Variants in SEC24B observed in about 807,000 individuals in gnomAD.
SEC24B encodes the protein SEC24 homolog B, COPII component, also known as protein transport protein Sec24B.
SEC24B carries 45 observed loss-of-function variants against 142.8 expected under a neutral mutation model. That is an observed-to-expected ratio of 0.32 (90% confidence interval 0.25 to 0.40). The LOEUF (loss-of-function observed/expected upper bound fraction) is 0.40. SEC24B is among the 10% of genes least tolerant of loss of function. The pLI, the probability that SEC24B is intolerant of heterozygous loss-of-function variation, is 1.00. For synonymous variants in SEC24B, 574 were observed against 568.2 expected (o/e 1.01, Z -0.15); for missense variants, 1,409 against 1,526.8 (o/e 0.92, Z 1.29).
At chr4:109,500,145 A>G (rs535339036) in intron 6 of SEC24B, among the ~76,000 whole-genome samples, 1 of 152,358 alleles carries the variant, frequency 6.6e-6, no homozygotes, top group Non-Finnish European at 1.5e-5. Context: ...CTGTAAAAGG[A>G]AGAACATTTT....
At chr4:109,488,769 G>A (rs910619778) in intron 4 of SEC24B, 2 of 167,676 alleles carry the variant, frequency 1.2e-5, no homozygotes, top group African/African-American at 4.8e-5. Context: ...GGAAAAATTG[G>A]AATCCTCATT....
At chr4:109,515,862 A>G (rs911678105) in intron 10 of SEC24B, among the ~76,000 whole-genome samples, 22 of 148,662 alleles carry the variant, frequency 1.5e-4, no homozygotes, top group Non-Finnish European at 8.9e-5. Flanking sequence ...CAACATAGTG[A>G]ACCCCCCCCC....
At chr4:109,503,663 T>C (rs976884756) in intron 6 of SEC24B, among the ~76,000 whole-genome samples, 1 of 152,176 alleles carries the variant, frequency 6.6e-6, no homozygotes, top group Non-Finnish European at 1.5e-5. Flanking sequence ...CCTGGCCTCA[T>C]TTTATAATTT....
At chr4:109,530,210 A>T (rs1295159568) in intron 18 of SEC24B, 79 bp from the exon 19 acceptor site, 1 of 1,243,482 alleles carries the variant, frequency 8.0e-7, no homozygotes, top group East Asian at 2.4e-5. Context: ...TTTCTTAAAT[A>T]ATGCGTATAA....
chr4:109,521,024 G>A (rs778475631), intron 12 of SEC24B, 93 bp from the exon 13 acceptor site: 1 of 767,236 alleles, frequency 1.3e-6, no homozygotes, highest in Non-Finnish European at 2.2e-6. Flanking sequence ...CAAAATTATA[G>A]TACACATTAC....
intron 1 of SEC24B, among the ~76,000 whole-genome samples, chr4:109,441,493 T>C (rs553185232): frequency 2.0e-5 from 3 of 152,320 alleles, no homozygotes; most frequent in East Asian, 3.9e-4. Flanking sequence ...TGCAGTGATA[T>C]GATCACAGCT....
intron 4 of SEC24B, among the ~76,000 whole-genome samples, chr4:109,487,139 T>C (rs552584038): frequency 7.1e-6 from 1 of 140,186 alleles, no homozygotes; most frequent in African/African-American, 2.7e-5. Flanking sequence ...CACTACAGCC[T>C]GAGTGACAAG....
rs1179942106 is a variant in SEC24B, at chr4:109,510,072, T to G, written c.1737T>G (p.Leu579=). The G allele has an allele frequency of 6.2e-7, 1 of 1,609,784 alleles. No individual in the cohort carries two copies. Among genetic ancestry groups the G allele is most frequent in the Non-Finnish European group, 8.5e-7 (1 of 1,178,224 alleles). ...QTQALLNKAK[L]PLGLLLHPFR... ...AGGCTTTACTGAATAAAGCTAAGCT[T>G]CCTTTAGGATTGTTGTTACATCCCT... Residue 579 remains leucine (L), a synonymous_variant, in exon 8 of 24, where the codon CTT becomes CTG. Transcript: ENST00000265175.
rs1554001151 is a variant in SEC24B at position 109,483,003 on chromosome 4, C to CATAT, written c.1165+1223_1165+1226dup. ...ATACACACACACACACACACACACA[C>CATAT]ATATTATACATATGTTTTTTATATA... On this transcript the variant is annotated intron_variant, in intron 4 of 23. Coordinates refer to ENST00000265175, the MANE Select transcript of SEC24B (RefSeq NM_006323.5). 1.9e-3 allele frequency among the ~76,000 whole-genome samples: 158 copies of CATAT among 84,022 alleles called. 2 individuals are homozygous for CATAT. The highest frequency in any genetic ancestry group is 0.012 in the African/African-American group (143 of 12,152). 55.1% of individuals were successfully genotyped at this position (84,022 alleles called of 152,430 possible). A position where few individuals can be genotyped will look rare whatever the true frequency, so the allele number is the denominator to read the frequency against.
chr4:109,532,574 C>A, intron 20 of SEC24B, 65 bp from the exon 21 acceptor site: 2 of 1,194,706 alleles, frequency 1.7e-6, no homozygotes, highest in Non-Finnish European at 2.5e-6. Context: ...GGTTAGTGAC[C>A]ATTAGCTCCC....
chr4:109,456,819 C>T (rs1730740441), intron 1 of SEC24B, among the ~76,000 whole-genome samples: 3 of 152,168 alleles, frequency 2.0e-5, no homozygotes, highest in Admixed American at 2.0e-4. Flanking sequence ...AATGGTAGAG[C>T]TCACAGCTAA....
chr4:109,461,692 C>T (rs1210267903), intron 1 of SEC24B, among the ~76,000 whole-genome samples: 1 of 152,170 alleles, frequency 6.6e-6, no homozygotes, highest in Non-Finnish European at 1.5e-5. Flanking sequence ...TTAACTGTAA[C>T]TATATCTGGG....
chr4:109,476,433 T>C (rs1347286563), intron 3 of SEC24B, among the ~76,000 whole-genome samples: 1 of 152,252 alleles, frequency 6.6e-6, no homozygotes, highest in Admixed American at 6.5e-5. Flanking sequence ...TATAGTTTTG[T>C]ATCTGAGTTG....
chr4:109,475,562 A>T (rs921076273), intron 3 of SEC24B, among the ~76,000 whole-genome samples: 4 of 152,072 alleles, frequency 2.6e-5, no homozygotes, highest in Non-Finnish European at 5.9e-5. Flanking sequence ...TAAACTACCT[A>T]CTTGAACATT....
intron 18 of SEC24B, 56 bp from the exon 19 acceptor site, chr4:109,530,233 A>G: frequency 6.7e-7 from 1 of 1,482,816 alleles, no homozygotes; most frequent in Admixed American, 2.0e-5. Context: ...TTTCTCTCTT[A>G]TAGTGCCCAT....
At chr4:109,507,732 G>A (rs1046492006) in intron 7 of SEC24B, among the ~76,000 whole-genome samples, 15 of 151,978 alleles carry the variant, frequency 9.9e-5, no homozygotes, top group African/African-American at 3.1e-4. Flanking sequence ...CGCAATCTCC[G>A]CCTCCCAGGT....
At chr4:109,446,629 T>A (rs1394006853) in intron 1 of SEC24B, among the ~76,000 whole-genome samples, 1 of 152,236 alleles carries the variant, frequency 6.6e-6, no homozygotes, top group East Asian at 1.9e-4. Flanking sequence ...TTTTCATTTC[T>A]TTTTGTTAAA....
At position 109,482,979 on chromosome 4, in the gene SEC24B, TAC is replaced by T. The variant is rs1554001099; in HGVS notation, c.1165+1222_1165+1223del. Among the ~76,000 whole-genome samples, 85 of 26,414 alleles carry T rather than the reference TAC, an allele frequency of 3.2e-3. 2 individuals carry two copies. The highest frequency in any genetic ancestry group is 0.019 in the South Asian group (11 of 582). 17.3% of individuals were successfully genotyped at this position (26,414 alleles called of 152,430 possible). A position where few individuals can be genotyped will look rare whatever the true frequency, so the allele number is the denominator to read the frequency against. On this transcript the variant is annotated intron_variant, in intron 4 of 23. Coordinates refer to ENST00000265175, the MANE Select transcript of SEC24B (RefSeq NM_006323.5). Reference sequence around the variant, plus strand: ...ATATATATATATATATATATATATATACACACACACACACACACACACACATA... The same window carrying T: ...ATATATATATATATATATATATATATACACACACACACACACACACACATA...
In SEC24B at chr4:109,455,705, G is replaced by A. The variant is rs1730599290; in HGVS notation, c.134-7196G>A. Among the ~76,000 whole-genome samples the A allele has an allele frequency of 2.0e-5, 3 of 152,248 alleles. No homozygotes were observed. In the South Asian group the frequency reaches 6.2e-4, roughly 32 times the overall value. ...CACCTTTGTCAAAAATCAGTTGACT[G>A]TATTTTTATGGGTCTGTTTCTAGAC... On this transcript the variant is annotated intron_variant, in intron 1 of 23. Transcript: ENST00000265175.
Sources: gnomAD v4.1 joint callset for allele counts (sites outside exome capture counted in the v4.1 genomes callset) on GRCh38, gnomAD v4.1.1 for gene constraint, MANE v1.5 for transcripts, NCBI Gene and HGNC (gene_info 2026-07-23, HGNC 2026-07-21) for gene names.